Variants in PZP observed in about 807,000 individuals in gnomAD.
PZP encodes the protein pregnancy zone protein.
PZP carries 150 observed loss-of-function variants against 179.8 expected under a neutral mutation model. That is an observed-to-expected ratio of 0.83 (90% CI 0.73 to 0.96). The LOEUF is 0.96. Ranked by LOEUF, PZP falls within the 40% of genes least tolerant of loss-of-function variation. The pLI, the probability that PZP is intolerant of heterozygous loss-of-function variation, is 0.00. For missense variants in PZP, 1,689 were observed against 1,764.0 expected (o/e 0.96, Z 0.76); for synonymous variants, 624 against 652.3 (o/e 0.96, Z 0.66).
intron 12 of PZP, 45 bp from the exon 13 acceptor site, chr12:9,192,301 G>A (rs1479748160): frequency 4.5e-6 from 7 of 1,570,954 alleles, no homozygotes; most frequent in Non-Finnish European, 6.1e-6. Context: ...GCTGGACACA[G>A]TTCTCAGCCT....
At position 9,154,643 on chromosome 12, in the gene PZP, G is replaced by A. The variant is rs751411870; in HGVS notation, c.3747C>T (p.Asn1249=). 42 of 1,614,048 alleles carry A rather than the reference G, an allele frequency of 2.6e-5. No homozygotes were observed. Among genetic ancestry groups the A allele is most frequent in the East Asian group, 4.5e-5 (2 of 44,894 alleles). The change falls in exon 29 of 36, where the codon AAC becomes AAT. Residue 1249 remains asparagine, a synonymous_variant. Coordinates refer to ENST00000261336, the MANE Select transcript of PZP (RefSeq NM_002864.3). The stretch of plus-strand genomic sequence containing the variant: ...GGGTGGAGGAGAAACCACCTTGGGC[G>A]TTCTGCTGCTTCATGATCCACTTCA... The part of the protein sequence containing the change: ...NIVKWIMKQQ[N]AQGGFSSTQD...
chr12:9,158,581 G>T lies in PZP; in HGVS notation c.3138-5C>A, dbSNP rs79525982. The stretch of plus-strand genomic sequence containing the variant: ...TTCAGTACAAAAGCTGTGAGCCTAG[G>T]GGGAGGAAAAATGCAGTGCTGAGGC... On this transcript the variant is annotated splice_polypyrimidine_tract_variant and splice_region_variant and intron_variant, in intron 25 of 35. Transcript: ENST00000261336. 47,229 of 1,613,730 alleles carry T rather than the reference G, an allele frequency of 0.029. 805 individuals are homozygous for T. Among genetic ancestry groups the T allele is most frequent in the Middle Eastern group, 0.036 (216 of 6,060 alleles).
Position 9,200,991 on chromosome 12 carries a change from A to G in PZP, c.571T>C (p.Phe191Leu). 2 of 1,614,128 alleles carry G rather than the reference A, an allele frequency of 1.2e-6. No individual in the cohort carries two copies. Among genetic ancestry groups the G allele is most frequent in the Non-Finnish European group, 1.7e-6 (2 of 1,179,978 alleles). Residue 191 changes from phenylalanine to leucine, a missense_variant, in exon 6 of 36, where the codon TTT (phenylalanine) becomes CTT (leucine). Coordinates refer to ENST00000261336, the MANE Select transcript of PZP (RefSeq NM_002864.3). Reference protein sequence around the residue: ...KLEAGINQLSFPLSSEPIQGS... With the variant: ...KLEAGINQLSLPLSSEPIQGS... ...TGAATGGGCTCTGATGAGAGGGGAA[A>G]GGACAACTGATTGATGCCAGCTTCT...
intron 7 of PZP, among the ~76,000 whole-genome samples, 153 bp from the exon 8 acceptor site, chr12:9,197,276 CA>C (rs1028623658): frequency 6.6e-6 from 1 of 150,650 alleles, no homozygotes; most frequent in African/African-American, 2.4e-5. Context: ...ATGTCTCCCT[CA>C]AAAATATTAG....
Position 9,192,541 on chromosome 12 carries a change from C to G in PZP, c.1453G>C (p.Glu485Gln). The G allele has an allele frequency of 6.2e-7, 1 of 1,613,778 alleles. No homozygotes were observed. Among genetic ancestry groups the G allele is most frequent in the Non-Finnish European group, 8.5e-7 (1 of 1,179,676 alleles). Residue 485 changes from glutamate (E) to glutamine (Q), a missense_variant, in exon 12 of 36, where the codon GAG becomes CAG. Around this residue, in one of 3 missense-constraint regions of PZP, gnomAD observed 742 missense variants for 730.5 expected, o/e 1.02. Transcript: ENST00000261336. ...TAATGGAAACTGAGCTCCGATAACTCTCCCATGGCCTGTCTATTCAGTGTA... is the reference window on the plus strand; with the variant it reads ...TAATGGAAACTGAGCTCCGATAACTGTCCCATGGCCTGTCTATTCAGTGTA... ...HYTLNRQAMG[E>Q]LSELSFHYLI... is the part of the protein sequence containing the mutation.
intron 28 of PZP, 69 bp downstream of exon 28, chr12:9,157,106 A>G (rs1018743767): frequency 1.1e-5 from 16 of 1,460,776 alleles, no homozygotes; most frequent in Middle Eastern, 1.8e-4. Context: ...ACAGGCCCCA[A>G]TGTGTGCTGT....
intron 15 of PZP, among the ~76,000 whole-genome samples, chr12:9,173,138 G>C (rs1192800625): frequency 2.0e-5 from 3 of 152,182 alleles, no homozygotes; most frequent in Non-Finnish European, 4.4e-5. Flanking sequence ...AGACGACAGT[G>C]CAATCAACTT....
rs542453561 is a variant in PZP at position 9,190,063 on chromosome 12, C to G, written c.1546+2130G>C. ...TTGGTGGGAATGTAAATTAGTTCAG[C>G]CATTATGGAAAGCAGTGTGGCGATT... On this transcript the variant is annotated intron_variant, in intron 13 of 35. Coordinates refer to ENST00000261336, the MANE Select transcript of PZP (RefSeq NM_002864.3). Among the ~76,000 whole-genome samples the G allele has an allele frequency of 6.7e-4, 102 of 152,020 alleles. 3 individuals carry two copies. In the Middle Eastern group the frequency reaches 0.024, roughly 35 times the overall value.
At chr12:9,137,946 A>G in the PZP span, among the ~76,000 whole-genome samples, 1 of 152,124 alleles carries the variant, frequency 6.6e-6, no homozygotes, top group East Asian at 1.9e-4. Flanking sequence ...TTAATACATA[A>G]TATAATGGCA....
rs1439517733 is a variant in PZP at position 9,194,168 on chromosome 12, T to C, written c.1163A>G (p.Asn388Ser). Reference protein sequence around the residue: ...KLFFISVNDANYYSNATTNEQ... With the variant: ...KLFFISVNDASYYSNATTNEQ... ...ATTGGTGGTTGCATTGGAGTAATAATTGGCGTCATTCACAGAGATGAAGAA... is the reference window on the plus strand; with the variant it reads ...ATTGGTGGTTGCATTGGAGTAATAACTGGCGTCATTCACAGAGATGAAGAA... Residue 388 changes from asparagine to serine, a missense_variant, in exon 11 of 36, where the codon AAT becomes AGT. Physicochemically the swap from Asn to Ser is conservative, Grantham distance 46. Around this residue, in one of 3 missense-constraint regions of PZP, gnomAD observed 742 missense variants for 730.5 expected, o/e 1.02. Transcript: ENST00000261336. 6.2e-7 allele frequency: 1 copy of C among 1,613,994 alleles called. No individual in the cohort carries two copies. The highest frequency in any genetic ancestry group is 1.7e-5 in the Admixed American group (1 of 60,022).
the PZP span, among the ~76,000 whole-genome samples, chr12:9,142,864 A>G: frequency 2.6e-5 from 4 of 152,212 alleles, no homozygotes; most frequent in Non-Finnish European, 5.9e-5. Context: ...TTTTTCCCCA[A>G]ATGGGATTTG....
chr12:9,174,631 A>G (rs907120300), intron 15 of PZP, among the ~76,000 whole-genome samples: 8 of 152,344 alleles, frequency 5.3e-5, no homozygotes, highest in Admixed American at 2.0e-4. Context: ...TACAAAATCA[A>G]TGTGCAAAAA....
At position 9,157,305 on chromosome 12, in the gene PZP, T is replaced by C. The variant is rs1940831748; in HGVS notation, c.3420A>G (p.Val1140=). 1 of 1,614,086 alleles carries C rather than the reference T, an allele frequency of 6.2e-7. No individual in the cohort carries two copies. The highest frequency in any genetic ancestry group is 1.7e-5 in the Admixed American group (1 of 60,026). ...GGCTCCCATGGGTCCCCTCCTTTGC[T>C]ACATTCCAGGCTGACTCCAGGCAGA... The part of the protein sequence containing the change: ...ALFCLESAWN[V]AKEGTHGSHV... The change falls in exon 28 of 36, where the codon GTA becomes GTG. Residue 1140 remains valine (V), a synonymous_variant. Coordinates refer to ENST00000261336, the MANE Select transcript of PZP (RefSeq NM_002864.3).
At chr12:9,178,672 G>A (rs1290876176) in intron 15 of PZP, among the ~76,000 whole-genome samples, 7 of 152,192 alleles carry the variant, frequency 4.6e-5, no homozygotes, top group Admixed American at 1.3e-4. Flanking sequence ...TACAGCACGC[G>A]ATAAGTGCTT....
the PZP span, among the ~76,000 whole-genome samples, chr12:9,138,769 T>A: frequency 6.6e-6 from 1 of 152,106 alleles, no homozygotes; most frequent in Non-Finnish European, 1.5e-5. Flanking sequence ...GTTATTCGAT[T>A]AGTTGACATA....
intron 10 of PZP, among the ~76,000 whole-genome samples, chr12:9,194,900 A>G (rs1171487505): frequency 5.3e-5 from 8 of 152,050 alleles, no homozygotes; most frequent in Admixed American, 2.6e-4. Context: ...TGTGTTCTGA[A>G]CTCTACTAGC....
chr12:9,151,801 T>G (rs1940377627), intron 32 of PZP, 129 bp from the exon 33 acceptor site: 1 of 669,458 alleles, frequency 1.5e-6, no homozygotes, highest in Non-Finnish European at 2.5e-6. Context: ...TGTTTTCAGG[T>G]CAGGAGTTCC....
chr12:9,151,572 T>A, intron 33 of PZP, 32 bp downstream of exon 33: 1 of 1,586,994 alleles, frequency 6.3e-7, no homozygotes, highest in Non-Finnish European at 8.6e-7. Context: ...ACGACCCATA[T>A]GTAGTCTCAG....
chr12:9,177,253 G>A (rs749024105), intron 15 of PZP, among the ~76,000 whole-genome samples: 1 of 152,320 alleles, frequency 6.6e-6, no homozygotes, highest in South Asian at 2.1e-4. Flanking sequence ...TGGATCACAT[G>A]CTCTGGAGAA....
Sources: allele counts gnomAD v4.1 joint callset (sites outside exome capture counted in the v4.1 genomes callset), GRCh38; gene constraint gnomAD v4.1.1; regional missense constraint gnomAD v4.1.1; transcripts MANE v1.5; gene names NCBI Gene and HGNC (gene_info 2026-07-23, HGNC 2026-07-21).